Variants in FHIP2A observed in about 807,000 individuals in gnomAD.
The protein encoded by FHIP2A is family with sequence similarity 160 member B1.
Under a neutral mutation model 93.5 loss-of-function variants are expected in FHIP2A, and 46 were observed. The observed-to-expected ratio is 0.49, with a 90% CI of 0.39 to 0.63. FHIP2A has a LOEUF of 0.63. Among genes scored for constraint, FHIP2A ranks in the 20% least tolerant of loss-of-function variants. The pLI is 0.00. For missense variants in FHIP2A, 769 were observed against 909.7 expected, an observed-to-expected ratio of 0.85 and a Z score of 1.99; for synonymous variants, 332 against 326.5, an observed-to-expected ratio of 1.02 and a Z score of -0.18.
intron 1 of FHIP2A, among the ~76,000 whole-genome samples, chr10:114,827,020 G>A (rs1198761663): frequency 6.6e-6 from 1 of 152,130 alleles, no homozygotes; most frequent in African/African-American, 2.4e-5. Context: ...TCTGGGAGTG[G>A]AATGTTGATG....
intron 16 of FHIP2A, among the ~76,000 whole-genome samples, chr10:114,878,821 C>G (rs1212067558): frequency 6.7e-6 from 1 of 148,308 alleles, no homozygotes. Flanking sequence ...GAAAAGAAGC[C>G]TGGGCAGGTG....
At chr10:114,857,463 C>T (rs146231685) in intron 14 of FHIP2A, among the ~76,000 whole-genome samples, 4,361 of 151,984 alleles carry the variant, frequency 0.029, 74 homozygotes, top group Non-Finnish European at 0.045. Flanking sequence ...GTGCACACCA[C>T]CACGCCTGGC....
rs117452855 is a variant in FHIP2A, at chr10:114,846,701, T to A, written c.1541T>A (p.Val514Glu). The change falls in exon 11 of 17, where the codon GTA becomes GAA. Residue 514 changes from valine to glutamate, a missense_variant. Transcript: ENST00000369248. ...KPLCPEDKDV[V>E]ENGLIAGAVD... ...TTGTGCCCAGAAGATAAAGATGTGG[T>A]AGAAAATGGATTGATAGCAGGAGCA... The A allele has an allele frequency of 2.8e-5, 45 of 1,604,352 alleles. No individual in the cohort carries two copies. Among genetic ancestry groups the A allele is most frequent in the Non-Finnish European group, 3.8e-5 (45 of 1,177,650 alleles).
intron 5 of FHIP2A, among the ~76,000 whole-genome samples, chr10:114,839,708 C>T (rs1371963195): frequency 6.6e-6 from 1 of 151,582 alleles, no homozygotes; most frequent in Admixed American, 6.6e-5. Flanking sequence ...CAGTGAAACC[C>T]CTTCTCTACT....
At chr10:114,867,324 ATAAAG>A (rs2083834508), downstream of FHIP2A, among the ~76,000 whole-genome samples, 1 of 152,062 alleles carries the variant, frequency 6.6e-6, no homozygotes, top group Admixed American at 6.6e-5. Context: ...TGATGTTGGT[ATAAAG>A]CACTAGCCCA....
intron 1 of FHIP2A, 114 bp downstream of exon 1, chr10:114,822,237 C>G (rs1436255272): frequency 1.7e-5 from 10 of 584,740 alleles, no homozygotes; most frequent in Non-Finnish European, 2.1e-5. Flanking sequence ...CGGCCCTGTC[C>G]CCGGTTGGGG....
intron 1 of FHIP2A, among the ~76,000 whole-genome samples, chr10:114,826,174 C>T (rs1444689344): frequency 2.0e-5 from 3 of 152,184 alleles, no homozygotes; most frequent in Non-Finnish European, 2.9e-5. Context: ...AAGCCTGGCT[C>T]CAAGTGAGGG....
intron 2 of FHIP2A, among the ~76,000 whole-genome samples, chr10:114,831,335 C>T (rs2083606683): frequency 6.6e-6 from 1 of 152,122 alleles, no homozygotes. Context: ...TTAGAGAAAA[C>T]CTCATTGCCC....
At chr10:114,832,774 C>T (rs60333955) in intron 2 of FHIP2A, among the ~76,000 whole-genome samples, 2,105 of 146,780 alleles carry the variant, frequency 0.014, 56 homozygotes, top group African/African-American at 0.051. Context: ...TTCAGTGGTG[C>T]GATCTCTGCT....
chr10:114,869,174 TATA>T (rs764138678), downstream of FHIP2A, among the ~76,000 whole-genome samples: 42 of 152,344 alleles, frequency 2.8e-4, no homozygotes, highest in Non-Finnish European at 5.0e-4. Flanking sequence ...GACTCATTTA[TATA>T]ATAACATGAG....
chr10:114,890,238 G>A (rs1428487221), intron 16 of FHIP2A, among the ~76,000 whole-genome samples: 1 of 151,974 alleles, frequency 6.6e-6, no homozygotes, highest in African/African-American at 2.4e-5. Context: ...ATGTTGGCCA[G>A]GCTGGTCTTG....
In FHIP2A at chr10:114,842,924, C is replaced by G; in HGVS notation, c.523-9C>G. 6.5e-7 allele frequency: 1 copy of G among 1,547,976 alleles called. No individual in the cohort carries two copies. Among genetic ancestry groups the G allele is most frequent in the East Asian group, 2.3e-5 (1 of 44,124 alleles). On this transcript the variant is annotated splice_polypyrimidine_tract_variant and intron_variant, in intron 5 of 16. Coordinates refer to ENST00000369248, the MANE Select transcript of FHIP2A (RefSeq NM_020940.4). ...ATGTGAATTTTATAAAACATATATTCCTTTTCAGAATAAGATGAAATCATT... is the reference window on the plus strand; with the variant it reads ...ATGTGAATTTTATAAAACATATATTGCTTTTCAGAATAAGATGAAATCATT...
chr10:114,829,314 G>T (rs1439293550), intron 1 of FHIP2A, among the ~76,000 whole-genome samples: 1 of 152,238 alleles, frequency 6.6e-6, no homozygotes, highest in African/African-American at 2.4e-5. Context: ...GACTATATAG[G>T]GATGGCTTAT....
chr10:114,833,657 T>G (rs1022438166), intron 3 of FHIP2A, among the ~76,000 whole-genome samples: 3 of 152,010 alleles, frequency 2.0e-5, no homozygotes, highest in African/African-American at 7.3e-5. Context: ...GAAAATAAAC[T>G]CAAGTACGTG....
chr10:114,878,188 A>G (rs2083898629), intron 16 of FHIP2A, among the ~76,000 whole-genome samples: 1 of 152,136 alleles, frequency 6.6e-6, no homozygotes, highest in Non-Finnish European at 1.5e-5. Context: ...TAAGATGACC[A>G]TTTTCTTAGG....
Position 114,861,536 on chromosome 10 carries a change from C to T in FHIP2A, c.2294C>T (p.Pro765Leu). 6.2e-7 allele frequency: 1 copy of T among 1,612,936 alleles called. No homozygotes were observed. Among genetic ancestry groups the T allele is most frequent in the Non-Finnish European group, 8.5e-7 (1 of 1,179,884 alleles). ...GTAAAATATCATGCTTCCTCCACAC[C>T]ATAAATAACATCTTTCATGTAACTG... is the stretch of plus-strand genomic sequence containing the variant. ...AFVKYHASSTP is the reference protein window; with the variant it reads ...AFVKYHASSTL The change falls in exon 17 of 17, where the codon CCA becomes CTA. Residue 765 changes from proline to leucine, a missense_variant. Physicochemically the swap from Pro to Leu is moderately conservative, Grantham distance 98. Coordinates refer to ENST00000369248, the MANE Select transcript of FHIP2A (RefSeq NM_020940.4).
intron 16 of FHIP2A, among the ~76,000 whole-genome samples, chr10:114,895,714 A>G (rs1184342866): frequency 6.6e-6 from 1 of 152,218 alleles, no homozygotes; most frequent in East Asian, 1.9e-4. Flanking sequence ...ACATGGTAGC[A>G]TTCAGACCTA....
chr10:114,855,404 A>T (rs2083761336), intron 14 of FHIP2A, 64 bp downstream of exon 14: 2 of 1,320,382 alleles, frequency 1.5e-6, no homozygotes, highest in Non-Finnish European at 2.1e-6. Flanking sequence ...AATCATCTCA[A>T]GTCTTAGTAG....
At position 114,861,463 on chromosome 10, in the gene FHIP2A, G is replaced by A. The variant is rs1056734089; in HGVS notation, c.2221G>A (p.Val741Met). The stretch of plus-strand genomic sequence containing the variant: ...TGACCACATCACACTGCTAGAGGGT[G>A]TGATTGTGTTAGAAGAGTTCTGTAA... ...IIDHITLLEGVIVLEEFCKEL... is the reference protein window; with the variant it reads ...IIDHITLLEGMIVLEEFCKEL... Residue 741 changes from valine to methionine, a missense_variant, in exon 17 of 17, where the codon GTG becomes ATG. Physicochemically the swap from Val to Met is conservative, Grantham distance 21. Coordinates refer to ENST00000369248, the MANE Select transcript of FHIP2A (RefSeq NM_020940.4). The A allele has an allele frequency of 6.2e-6, 10 of 1,614,002 alleles. No homozygotes were observed. Among genetic ancestry groups the A allele is most frequent in the South Asian group, 3.3e-5 (3 of 91,088 alleles).
Sources: gnomAD v4.1 joint callset for allele counts (sites outside exome capture counted in the v4.1 genomes callset) on GRCh38, gnomAD v4.1.1 for gene constraint, MANE v1.5 for transcripts, NCBI Gene and HGNC (gene_info 2026-07-23, HGNC 2026-07-21) for gene names.